The following DSCAM variants were observed in gnomAD, a reference collection of about 807,000 sequenced individuals.
DSCAM encodes DS cell adhesion molecule, also known as cell adhesion molecule DSCAM.
A neutral mutation model predicts 217.7 loss-of-function variants in DSCAM; 47 were observed. The ratio of observed to expected loss-of-function variants is 0.22; its 90% CI spans 0.17 to 0.28. DSCAM has a LOEUF of 0.28. DSCAM is among the 10% of genes least tolerant of loss of function. The pLI is 1.00. For synonymous variants in DSCAM, 1,056 were observed against 1,015.3 expected (o/e 1.04, Z -0.76); for missense variants, 2,080 against 2,618.3 (o/e 0.79, Z 4.49).
In DSCAM at chr21:40,518,517, TAA is replaced by T. The variant is rs1239002227; in HGVS notation, c.509-149274_509-149273del. ...TTATATATTATATATATAATATATA[TAA>T]TATATATTTTATATATATATATGTA... On this transcript the variant is annotated intron_variant, in intron 3 of 32. Transcript: ENST00000400454. Among the ~76,000 whole-genome samples the T allele has an allele frequency of 3.4e-4, 5 of 14,534 alleles. 1 individual carries two copies. Among genetic ancestry groups the T allele is most frequent in the Non-Finnish European group, 5.0e-4 (5 of 9,976 alleles). 9.5% of individuals were successfully genotyped at this position (14,534 alleles called of 152,430 possible). A position where few individuals can be genotyped will look rare whatever the true frequency, so the allele number is the denominator to read the frequency against.
In DSCAM at chr21:40,130,986, G is replaced by A. The variant is rs143382354; in HGVS notation, c.3562+2868C>T. On this transcript the variant is annotated intron_variant, in intron 19 of 32. Coordinates refer to ENST00000400454, the MANE Select transcript of DSCAM (RefSeq NM_001389.5). ...GCTGTTAATGTAGCTATCTTTCTTC[G>A]CTTGCAAGAACGTTGATAAACGCTG... Among the ~76,000 whole-genome samples the A allele has an allele frequency of 1.9e-3, 294 of 152,234 alleles. 2 individuals are homozygous for A. The highest frequency in any genetic ancestry group is 6.8e-3 in the African/African-American group (282 of 41,556).
At position 40,328,984 on chromosome 21, in the gene DSCAM, A is replaced by G. The variant is rs148172690; in HGVS notation, c.1783+9117T>C. Among the ~76,000 whole-genome samples the G allele has an allele frequency of 4.9e-3, 747 of 152,348 alleles. 6 individuals carry two copies. The highest frequency in any genetic ancestry group is 5.7e-3 in the Non-Finnish European group (390 of 68,036). On this transcript the variant is annotated intron_variant, in intron 8 of 32. Coordinates refer to ENST00000400454, the MANE Select transcript of DSCAM (RefSeq NM_001389.5). ...GAGGTTATCATCTCACACATGTTAG[A>G]ATGGCTATTATAAAAAACATGAAAA...
chr21:40,518,382 A>T (rs78689853), intron 3 of DSCAM, among the ~76,000 whole-genome samples: 3 of 118 alleles, frequency 0.025, no homozygotes, highest in African/African-American at 0.036. Flanking sequence ...ATATATATAT[A>T]ATATATTATA....
chr21:40,574,705 G>A (rs1467795343), intron 3 of DSCAM, among the ~76,000 whole-genome samples: 1 of 110,614 alleles, frequency 9.0e-6, no homozygotes, highest in Non-Finnish European at 1.7e-5. Flanking sequence ...TAAGGTGCCT[G>A]ATTTTTTTTT....
At chr21:40,652,604 G>A (rs1161604617) in intron 3 of DSCAM, among the ~76,000 whole-genome samples, 1 of 152,172 alleles carries the variant, frequency 6.6e-6, no homozygotes, top group Non-Finnish European at 1.5e-5. Context: ...ATGGCTTTGG[G>A]CTTAGCTGAG....
At chr21:40,448,352 C>T (rs2075691797) in intron 3 of DSCAM, among the ~76,000 whole-genome samples, 1 of 152,112 alleles carries the variant, frequency 6.6e-6, no homozygotes, top group Non-Finnish European at 1.5e-5. Context: ...ACATCTGTCT[C>T]CTCCTGCAAT....
intron 11 of DSCAM, among the ~76,000 whole-genome samples, chr21:40,239,398 T>G (rs753207593): frequency 3.3e-5 from 5 of 152,204 alleles, no homozygotes; most frequent in Non-Finnish European, 7.3e-5. Flanking sequence ...ATGCTATTTT[T>G]GGATACCTGC....
intron 8 of DSCAM, among the ~76,000 whole-genome samples, chr21:40,336,311 T>C (rs940788203): frequency 6.6e-6 from 1 of 152,186 alleles, no homozygotes; most frequent in Non-Finnish European, 1.5e-5. Context: ...AGCCCATCAC[T>C]CCTACAATTA....
In DSCAM at chr21:40,350,153, C is replaced by T. The variant is rs1309502472; in HGVS notation, c.935-2208G>A. Among the ~76,000 whole-genome samples the T allele has an allele frequency of 2.6e-5, 4 of 152,164 alleles. No individual in the cohort carries two copies. In the East Asian group the frequency reaches 7.7e-4, roughly 29 times the overall value. On this transcript the variant is annotated intron_variant, in intron 5 of 32. Transcript: ENST00000400454. ...AAATTAACTCAAGATGGATTAAAGA[C>T]TTAAATGTAAAACCTAAAACCATAG... is the stretch of plus-strand genomic sequence containing the variant.
At chr21:40,429,347 A>G (rs1290730760) in intron 3 of DSCAM, among the ~76,000 whole-genome samples, 1 of 151,712 alleles carries the variant, frequency 6.6e-6, no homozygotes, top group Non-Finnish European at 1.5e-5. Context: ...GCTCACTGCA[A>G]CCTCTGTCTC....
chr21:40,202,928 C>T (rs1375002973), intron 11 of DSCAM, among the ~76,000 whole-genome samples: 1 of 152,160 alleles, frequency 6.6e-6, no homozygotes, highest in South Asian at 2.1e-4. Context: ...GACATAAATG[C>T]CCTTTTAAAA....
chr21:40,093,802 A>C lies in DSCAM; in HGVS notation c.3769T>G (p.Tyr1257Asp). 6.2e-7 allele frequency: 1 copy of C among 1,614,138 alleles called. No homozygotes were observed. The change falls in exon 21 of 33, where the codon TAC (tyrosine) becomes GAC (aspartate). Residue 1257 changes from tyrosine to aspartate, a missense_variant. By Grantham distance (160) the Tyr-to-Asp change is radical. This residue lies in a region of DSCAM where 1,144 missense variants were observed against 1,421.1 expected (regional missense o/e 0.81). Coordinates refer to ENST00000400454, the MANE Select transcript of DSCAM (RefSeq NM_001389.5). Reference protein sequence around the residue: ...RIPNLSRNRQYSVWVVAVTSA... With the variant: ...RIPNLSRNRQDSVWVVAVTSA... ...GTAACAGCCACCACCCAGACGCTGT[A>C]CTGACGATTCCTACTCAGGTTGGGA...
intron 1 of DSCAM, among the ~76,000 whole-genome samples, chr21:40,742,252 T>A (rs527969547): frequency 6.6e-6 from 1 of 152,398 alleles, no homozygotes; most frequent in East Asian, 1.9e-4. Flanking sequence ...ATTACTTCAC[T>A]ATGCAGCTCA....
intron 1 of DSCAM, among the ~76,000 whole-genome samples, chr21:40,714,428 CA>C (rs2090818463): frequency 6.6e-6 from 1 of 152,184 alleles, no homozygotes; most frequent in Admixed American, 6.5e-5. Flanking sequence ...CCTGGGGACC[CA>C]ATCCCCACCC....
chr21:40,536,418 T>C (rs1477761880), intron 3 of DSCAM, among the ~76,000 whole-genome samples: 3 of 150,888 alleles, frequency 2.0e-5, no homozygotes, highest in Admixed American at 6.6e-5. Context: ...TTTTTTTTTT[T>C]TGAGACGGAG....
intron 1 of DSCAM, among the ~76,000 whole-genome samples, chr21:40,755,627 A>G (rs2091268106): frequency 6.6e-6 from 1 of 152,124 alleles, no homozygotes; most frequent in Admixed American, 6.5e-5. Flanking sequence ...CAGAGTGAAA[A>G]TGCTGCAATA....
At chr21:40,588,028 A>G (rs1004212913) in intron 3 of DSCAM, among the ~76,000 whole-genome samples, 23 of 152,186 alleles carry the variant, frequency 1.5e-4, no homozygotes, top group African/African-American at 5.5e-4. Flanking sequence ...ATGGCTTCCA[A>G]TATTGCAGAG....
chr21:40,784,965 T>C (rs928862760), intron 1 of DSCAM, among the ~76,000 whole-genome samples: 6 of 152,236 alleles, frequency 3.9e-5, no homozygotes, highest in Non-Finnish European at 8.8e-5. Context: ...ATTTTATTCA[T>C]TTGATTTTTT....
intron 1 of DSCAM, among the ~76,000 whole-genome samples, chr21:40,810,172 G>A (rs1366605876): frequency 6.6e-6 from 1 of 152,146 alleles, no homozygotes; most frequent in African/African-American, 2.4e-5. Flanking sequence ...GCATCTCCTT[G>A]TGGAACAACA....
Sources: gnomAD v4.1 joint callset for allele counts (sites outside exome capture counted in the v4.1 genomes callset) on GRCh38, gnomAD v4.1.1 for gene constraint, gnomAD v4.1.1 regional missense constraint, MANE v1.5 for transcripts, NCBI Gene and HGNC (gene_info 2026-07-23, HGNC 2026-07-21) for gene names.